BLK: variants seen among roughly 807,000 people sequenced by gnomAD.
BLK encodes the protein BLK proto-oncogene, Src family tyrosine kinase.
Under a neutral mutation model 61.8 loss-of-function variants are expected in BLK, and 64 were observed. That is an observed-to-expected ratio of 1.03 (90% CI 0.85 to 1.27). BLK has a LOEUF of 1.27. Among genes scored for constraint, BLK ranks in the 50% most tolerant of loss-of-function variants. The pLI is 0.00. For missense variants in BLK, 853 were observed against 660.5 expected, an observed-to-expected ratio of 1.29 and a Z score of -3.19; for synonymous variants, 351 against 272.0, an observed-to-expected ratio of 1.29 and a Z score of -2.86.
At chr8:11,530,529 T>G (rs1346528008) in intron 1 of BLK, among the ~76,000 whole-genome samples, 3 of 152,270 alleles carry the variant, frequency 2.0e-5, no homozygotes, top group Non-Finnish European at 4.4e-5. Context: ...ACATTCTTAT[T>G]GAACTTACTC....
chr8:11,542,969 G>C (rs1470459871), intron 1 of BLK, among the ~76,000 whole-genome samples: 1 of 152,186 alleles, frequency 6.6e-6, no homozygotes, highest in Non-Finnish European at 1.5e-5. Context: ...GTGGTTTCCA[G>C]CGGTTATCTC....
chr8:11,557,978 C>T lies in BLK; in HGVS notation c.969C>T (p.Phe323=). The change falls in exon 10 of 13, where the codon TTC becomes TTT. Residue 323 remains phenylalanine (F), a synonymous_variant. Coordinates refer to ENST00000259089, the MANE Select transcript of BLK (RefSeq NM_001715.3). The part of the protein sequence containing the change: ...EYMARGCLLD[F]LKTDEGSRLS... ...TTTTCTTAGGATGCCTGCTGGATTT[C>T]CTGAAGACAGATGAAGGGAGCAGAT... 1 of 1,614,038 alleles carries T rather than the reference C, an allele frequency of 6.2e-7. No homozygotes were observed. The highest frequency in any genetic ancestry group is 1.7e-4 in the Middle Eastern group (1 of 6,060).
At chr8:11,521,068 T>C (rs1799429622) in intron 1 of BLK, among the ~76,000 whole-genome samples, 1 of 152,106 alleles carries the variant, frequency 6.6e-6, no homozygotes, top group Admixed American at 6.6e-5. Context: ...GAGTAATTAA[T>C]TTATGTGGTT....
chr8:11,507,771 G>T (rs548678800), intron 1 of BLK, among the ~76,000 whole-genome samples: 2 of 152,210 alleles, frequency 1.3e-5, no homozygotes, highest in African/African-American at 4.8e-5. Context: ...ACTGGAGGGG[G>T]AACCTGAGGC....
At position 11,556,649 on chromosome 8, in the gene BLK, C is replaced by G. The variant is rs772158649; in HGVS notation, c.773-9C>G. ...CTTCTGATTGGCTTCTTCACTCCCC[C>G]GGGCTCAGGTTACTACAAAAACAAC... On this transcript the variant is annotated splice_polypyrimidine_tract_variant and intron_variant, in intron 8 of 12. Coordinates refer to ENST00000259089, the MANE Select transcript of BLK (RefSeq NM_001715.3). The G allele has an allele frequency of 6.2e-7, 1 of 1,614,080 alleles. No homozygotes were observed. The highest frequency in any genetic ancestry group is 1.1e-5 in the South Asian group (1 of 91,068).
rs2117481731 is a variant in BLK at position 11,548,065 on chromosome 8, C to T, written c.209C>T (p.Thr70Ile). 6.2e-7 allele frequency: 1 copy of T among 1,614,088 alleles called. No homozygotes were observed. Among genetic ancestry groups the T allele is most frequent in the Non-Finnish European group, 8.5e-7 (1 of 1,180,014 alleles). ...KHFVVALYDY[T>I]AMNDRDLQML... ...TTCGTGGTGGCTCTGTATGACTACA[C>T]CGCTATGAATGATCGGGACCTGCAG... Residue 70 changes from threonine (T) to isoleucine (I), a missense_variant, in exon 4 of 13, where the codon ACC becomes ATC. Transcript: ENST00000259089.
At chr8:11,499,603 C>T (rs567766560) in intron 1 of BLK, among the ~76,000 whole-genome samples, 8 of 152,262 alleles carry the variant, frequency 5.3e-5, no homozygotes, top group East Asian at 1.9e-4. Context: ...GCTGAGATGA[C>T]GTTAAGCTGT....
intron 1 of BLK, among the ~76,000 whole-genome samples, chr8:11,534,638 G>A (rs184112175): frequency 6.8e-4 from 104 of 152,298 alleles, no homozygotes; most frequent in Non-Finnish European, 1.2e-3. Context: ...ACCACAATGG[G>A]GGGAGGTGAA....
At chr8:11,509,734 C>G (rs1039593236) in intron 1 of BLK, 1 of 152,284 alleles carries the variant, frequency 6.6e-6, no homozygotes, top group South Asian at 2.1e-4. Flanking sequence ...GTCATTTTCT[C>G]CTGACTTTTA....
intron 5 of BLK, 112 bp downstream of exon 5, chr8:11,549,234 C>G: frequency 1.0e-6 from 1 of 956,432 alleles, no homozygotes; most frequent in Non-Finnish European, 1.7e-6. Context: ...CCTGCAGGCA[C>G]TAGCAAAGAG....
At chr8:11,510,135 A>G (rs1033182856) in intron 1 of BLK, among the ~76,000 whole-genome samples, 2 of 152,246 alleles carry the variant, frequency 1.3e-5, no homozygotes, top group African/African-American at 4.8e-5. Flanking sequence ...TCTGAATTAC[A>G]TCGTGGAGCT....
intron 1 of BLK, among the ~76,000 whole-genome samples, chr8:11,501,945 C>G (rs1357940227): frequency 6.6e-6 from 1 of 152,236 alleles, no homozygotes; most frequent in East Asian, 1.9e-4. Flanking sequence ...AGACAAGATG[C>G]TCTTTTAAGC....
intron 10 of BLK, chr8:11,560,230 GATGA>G (rs1801439422): frequency 7.6e-6 from 1 of 131,878 alleles, no homozygotes; most frequent in African/African-American, 3.0e-5. Context: ...TGCATGGATG[GATGA>G]ATGGGTGGAT....
intron 2 of BLK, among the ~76,000 whole-genome samples, chr8:11,545,232 G>A (rs1800575493): frequency 6.6e-6 from 1 of 152,136 alleles, no homozygotes; most frequent in African/African-American, 2.4e-5. Context: ...TCTGTCATGA[G>A]GGTTAGTTCC....
intron 1 of BLK, among the ~76,000 whole-genome samples, chr8:11,525,586 GCTTAA>G (rs1187849852): frequency 6.6e-6 from 1 of 151,836 alleles, no homozygotes; most frequent in Admixed American, 6.6e-5. Context: ...CTATTCATTT[GCTTAA>G]CTTGATTTTA....
At chr8:11,522,599 C>T (rs1027237241) in intron 1 of BLK, among the ~76,000 whole-genome samples, 1 of 151,612 alleles carries the variant, frequency 6.6e-6, no homozygotes, top group Non-Finnish European at 1.5e-5. Flanking sequence ...CAATGCATTT[C>T]ATCATTTTGA....
chr8:11,529,552 T>C (rs138826947), intron 1 of BLK, among the ~76,000 whole-genome samples: 2,593 of 152,028 alleles, frequency 0.017, 44 homozygotes, highest in African/African-American at 0.045. Flanking sequence ...GTTTGGGGGG[T>C]GGGAGATCAG....
intron 5 of BLK, 49 bp from the exon 6 acceptor site, chr8:11,550,110 C>T (rs1044830852): frequency 6.5e-7 from 1 of 1,543,070 alleles, no homozygotes; most frequent in African/African-American, 1.4e-5. Context: ...TGGGAATACT[C>T]CGAGGAGCAG....
At chr8:11,542,349 C>A (rs559461676) in intron 1 of BLK, among the ~76,000 whole-genome samples, 1 of 152,220 alleles carries the variant, frequency 6.6e-6, no homozygotes, top group Non-Finnish European at 1.5e-5. Flanking sequence ...ACTAACAACA[C>A]GCCCTTCTGA....
Sources: gnomAD v4.1 joint callset for allele counts (sites outside exome capture counted in the v4.1 genomes callset) on GRCh38, gnomAD v4.1.1 for gene constraint, MANE v1.5 for transcripts, NCBI Gene and HGNC (gene_info 2026-07-23, HGNC 2026-07-21) for gene names.